PDE9A: variants seen among roughly 807,000 people sequenced by gnomAD.
PDE9A encodes the protein high affinity cGMP-specific 3',5'-cyclic phosphodiesterase 9A.
A neutral mutation model predicts 87.4 loss-of-function variants in PDE9A; 60 were observed. The ratio of observed to expected loss-of-function variants is 0.69; its 90% CI spans 0.56 to 0.85. The LOEUF is 0.85. Ranked by LOEUF, PDE9A falls within the 40% of genes least tolerant of loss-of-function variation. The pLI, the probability that PDE9A is intolerant of heterozygous loss-of-function variation, is 0.00. For synonymous variants in PDE9A, 272 were observed against 279.4 expected (o/e 0.97, Z 0.27); for missense variants, 665 against 779.0 (o/e 0.85, Z 1.74).
intron 3 of PDE9A, among the ~76,000 whole-genome samples, chr21:42,690,336 A>ACAC (rs2059745239): frequency 6.6e-6 from 1 of 151,758 alleles, no homozygotes; most frequent in Non-Finnish European, 1.5e-5. Context: ...TGTGGATCTA[A>ACAC]CCGGGTACAG....
intron 4 of PDE9A, among the ~76,000 whole-genome samples, chr21:42,708,618 G>A (rs947604184): frequency 2.6e-5 from 4 of 152,178 alleles, no homozygotes; most frequent in African/African-American, 4.8e-5. Flanking sequence ...GCAGTGGCGC[G>A]ATCTCGGCTC....
At chr21:42,744,639 A>C (rs751409324) in intron 8 of PDE9A, among the ~76,000 whole-genome samples, 1 of 152,140 alleles carries the variant, frequency 6.6e-6, no homozygotes, top group Non-Finnish European at 1.5e-5. Flanking sequence ...GGCATCCTTC[A>C]CAGGCGCTTC....
intron 1 of PDE9A, among the ~76,000 whole-genome samples, chr21:42,685,912 C>T (rs564286877): frequency 1.4e-4 from 22 of 152,178 alleles, no homozygotes; most frequent in Non-Finnish European, 2.6e-4. Context: ...CCGAGGGATG[C>T]GCCTTCACCA....
At chr21:42,700,131 T>A (rs2146333147) in intron 4 of PDE9A, among the ~76,000 whole-genome samples, 1 of 152,298 alleles carries the variant, frequency 6.6e-6, no homozygotes, top group Middle Eastern at 3.4e-3. Context: ...ATATGTACTC[T>A]TTTTGACTCA....
chr21:42,745,385 G>T (rs531762278), intron 8 of PDE9A, among the ~76,000 whole-genome samples: 1 of 152,366 alleles, frequency 6.6e-6, no homozygotes, highest in South Asian at 2.1e-4. Context: ...CTTAGGGGAA[G>T]TCAGGCCATA....
chr21:42,742,457 CTTTTTTTTT>C (rs60925435), intron 7 of PDE9A, among the ~76,000 whole-genome samples: 5 of 71,524 alleles, frequency 7.0e-5, no homozygotes, highest in Non-Finnish European at 1.3e-4. Flanking sequence ...AAGCTGTCTG[CTTTTTTTTT>C]TTTTTTTTTT....
intron 1 of PDE9A, among the ~76,000 whole-genome samples, chr21:42,680,286 C>G (rs985235159): frequency 3.3e-5 from 5 of 152,244 alleles, no homozygotes; most frequent in Admixed American, 3.3e-4. Context: ...TGATTGGGAG[C>G]TAGCCAGCGG....
intron 1 of PDE9A, among the ~76,000 whole-genome samples, chr21:42,679,252 TC>T (rs2059021910): frequency 6.6e-6 from 1 of 152,124 alleles, no homozygotes; most frequent in Admixed American, 6.5e-5. Context: ...CGAGTCTGTG[TC>T]CTATTTTCCA....
chr21:42,684,755 G>A (rs1474305074), intron 1 of PDE9A, among the ~76,000 whole-genome samples: 1 of 152,158 alleles, frequency 6.6e-6, no homozygotes, highest in East Asian at 1.9e-4. Flanking sequence ...GGACACAGCC[G>A]ATGCCACAGA....
At chr21:42,767,101 G>C (rs531773339) in intron 15 of PDE9A, among the ~76,000 whole-genome samples, 3 of 152,182 alleles carry the variant, frequency 2.0e-5, no homozygotes, top group Admixed American at 2.0e-4. Flanking sequence ...TCGTCTCACT[G>C]CTACGGAGCC....
rs765252066 is a variant in PDE9A, at chr21:42,685,467, C to CTTTTTTTTTTTTTTT, written c.70-723_70-709dup. The stretch of plus-strand genomic sequence containing the variant: ...CAGTCCCCAAATACCGAAAGGCAGT[C>CTTTTTTTTTTTTTTT]TTTTTTTTTTTTTTTTGAGACGGAG... On this transcript the variant is annotated intron_variant, in intron 1 of 19. Coordinates refer to ENST00000291539, the MANE Select transcript of PDE9A (RefSeq NM_002606.3). Among the ~76,000 whole-genome samples the CTTTTTTTTTTTTTTT allele has an allele frequency of 4.4e-3, 510 of 115,764 alleles. 38 individuals carry two copies. The highest frequency in any genetic ancestry group is 0.011 in the East Asian group (42 of 3,732). The allele number at this position is 115,764 out of a possible 152,430, so 75.9% of individuals were successfully genotyped here.
At chr21:42,663,606 C>T (rs1197218207) in intron 1 of PDE9A, among the ~76,000 whole-genome samples, 1 of 152,000 alleles carries the variant, frequency 6.6e-6, no homozygotes, top group Non-Finnish European at 1.5e-5. Flanking sequence ...CAGTGCCCCC[C>T]GTCTTCCCAC....
Position 42,653,712 on chromosome 21 carries a change from C to CCGGGGG in PDE9A, c.-103_-102insCGGGGG. ...CTGTGGTTGGCTGAGCGCCGCGGGC[C>CCGGGGG]GCCCCCCGCCCGCCCCCTCCCCTGC... On this transcript the variant is annotated 5_prime_UTR_variant, in exon 1 of 20. Transcript: ENST00000291539. 1 of 313,484 alleles carries CCGGGGG rather than the reference C, an allele frequency of 3.2e-6. No homozygotes were observed. Among genetic ancestry groups the CCGGGGG allele is most frequent in the Non-Finnish European group, 6.0e-6 (1 of 165,478 alleles). The allele number at this position is 313,484 out of a possible 1,614,324, so 19.4% of individuals were successfully genotyped here.
At chr21:42,731,432 T>G (rs2051728407) in intron 4 of PDE9A, among the ~76,000 whole-genome samples, 1 of 152,220 alleles carries the variant, frequency 6.6e-6, no homozygotes, top group Admixed American at 6.5e-5. Flanking sequence ...GTCACCTTGC[T>G]GACAAGGACA....
intron 1 of PDE9A, among the ~76,000 whole-genome samples, chr21:42,674,930 C>A (rs570082234): frequency 5.9e-5 from 9 of 152,326 alleles, no homozygotes; most frequent in Admixed American, 2.0e-4. Flanking sequence ...GCTTCCAGAG[C>A]TAGAGAACTT....
Position 42,695,933 on chromosome 21 carries a change from G to A in PDE9A, c.219-3035G>A, listed in dbSNP as rs181844047. Among the ~76,000 whole-genome samples the A allele has an allele frequency of 6.6e-6, 1 of 152,320 alleles. No homozygotes were observed. The highest frequency in any genetic ancestry group is 6.5e-5 in the Admixed American group (1 of 15,308). Reference sequence around the variant, plus strand: ...CTGGGAGCCAAGACTGATCTTGAGTGGCCCAGAAATGCAACCCAAGGATCT... The same window carrying A: ...CTGGGAGCCAAGACTGATCTTGAGTAGCCCAGAAATGCAACCCAAGGATCT... On this transcript the variant is annotated intron_variant, in intron 3 of 19. Coordinates refer to ENST00000291539, the MANE Select transcript of PDE9A (RefSeq NM_002606.3). The surrounding 1 kb of genome is among the most constrained non-coding windows in gnomAD (Gnocchi z 4.3).
intron 1 of PDE9A, among the ~76,000 whole-genome samples, chr21:42,669,596 C>A (rs1457986106): frequency 9.2e-5 from 14 of 152,152 alleles, no homozygotes. Flanking sequence ...CAACCCACAC[C>A]CCACTTGGCG....
chr21:42,748,971 C>T (rs2054160089), intron 8 of PDE9A, among the ~76,000 whole-genome samples: 1 of 152,176 alleles, frequency 6.6e-6, no homozygotes, highest in East Asian at 1.9e-4. Flanking sequence ...GATGATCCTC[C>T]TAATGGCATA....
intron 6 of PDE9A, 123 bp from the exon 7 acceptor site, chr21:42,733,233 C>G: frequency 4.6e-6 from 3 of 658,504 alleles, no homozygotes; most frequent in Non-Finnish European, 8.4e-6. Flanking sequence ...CAGACCCTCA[C>G]CAGCCCACCT....
Sources: gnomAD v4.1 joint callset for allele counts (sites outside exome capture counted in the v4.1 genomes callset) on GRCh38, gnomAD v4.1.1 for gene constraint, Gnocchi (gnomAD v3.1) non-coding constraint, MANE v1.5 for transcripts, NCBI Gene and HGNC (gene_info 2026-07-23, HGNC 2026-07-21) for gene names.